XRCC2: variants seen among roughly 807,000 people sequenced by gnomAD.
XRCC2 encodes X-ray repair cross complementing 2.
A neutral mutation model predicts 27.3 loss-of-function variants in XRCC2; 24 were observed. That is an observed-to-expected ratio of 0.88 (90% CI 0.64 to 1.24). The LOEUF (loss-of-function observed/expected upper bound fraction) is 1.24. XRCC2 is among the 50% of genes most tolerant of loss of function. The pLI, the probability that XRCC2 is intolerant of heterozygous loss-of-function variation, is 0.00. For synonymous variants in XRCC2, 106 were observed against 115.4 expected, an observed-to-expected ratio of 0.92 and a Z score of 0.52; for missense variants, 321 against 325.8, an observed-to-expected ratio of 0.99 and a Z score of 0.11.
intron 2 of XRCC2, among the ~76,000 whole-genome samples, chr7:152,650,381 C>T (rs1007345876): frequency 6.6e-6 from 1 of 152,222 alleles, no homozygotes; most frequent in Non-Finnish European, 1.5e-5. Flanking sequence ...ACGTTAAAGA[C>T]TCCAACTCTC....
intron 2 of XRCC2, among the ~76,000 whole-genome samples, chr7:152,650,058 G>A (rs2098027875): frequency 6.6e-6 from 1 of 152,204 alleles, no homozygotes; most frequent in Admixed American, 6.5e-5. Flanking sequence ...AGGAAAACAA[G>A]CCTCCACCTG....
At chr7:152,663,881 C>T (rs1377300523) in intron 1 of XRCC2, 1 of 148,808 alleles carries the variant, frequency 6.7e-6, no homozygotes, top group East Asian at 2.0e-4. Context: ...TACAAGAGAA[C>T]TTTGAGCCAC....
intron 2 of XRCC2, among the ~76,000 whole-genome samples, chr7:152,656,750 C>A (rs968556009): frequency 6.6e-6 from 1 of 152,126 alleles, no homozygotes. Flanking sequence ...AGAGAGAGTA[C>A]AAAGACCATT....
chr7:152,648,582 T>A lies in XRCC2; in HGVS notation c.*60A>T. The A allele has an allele frequency of 4.0e-6, 6 of 1,507,922 alleles. No homozygotes were observed. The highest frequency in any genetic ancestry group is 5.3e-6 in the Non-Finnish European group (6 of 1,135,962). The allele number at this position is 1,507,922 out of a possible 1,614,324, so 93.4% of individuals were successfully genotyped here. A position where few individuals can be genotyped will look rare whatever the true frequency, so the allele number is the denominator to read the frequency against. ...GCCTGGGAGACAGAGCAAGACTCTG[T>A]CTTAAGAAAAATTTTAAGGCTTGCG... On this transcript the variant is annotated 3_prime_UTR_variant, in exon 3 of 3. Coordinates refer to ENST00000359321, the MANE Select transcript of XRCC2 (RefSeq NM_005431.2).
chr7:152,660,366 A>G (rs2098032559), intron 2 of XRCC2, among the ~76,000 whole-genome samples: 1 of 152,210 alleles, frequency 6.6e-6, no homozygotes, highest in South Asian at 2.1e-4. Context: ...AAATACTAAC[A>G]AGTGGGTACC....
chr7:152,666,387 C>T (rs1442619152), intron 1 of XRCC2, among the ~76,000 whole-genome samples: 2 of 151,714 alleles, frequency 1.3e-5, no homozygotes, highest in African/African-American at 4.8e-5. Flanking sequence ...AATTTTTTTA[C>T]TTTTTGCAGA....
At chr7:152,660,525 T>C (rs1180532552) in intron 2 of XRCC2, among the ~76,000 whole-genome samples, 176 bp downstream of exon 2, 2 of 152,256 alleles carry the variant, frequency 1.3e-5, no homozygotes, top group African/African-American at 4.8e-5. Context: ...AGCAAACTTG[T>C]CTGACACCGA....
At chr7:152,675,519 G>T (rs2098040537) in intron 1 of XRCC2, among the ~76,000 whole-genome samples, 1 of 152,078 alleles carries the variant, frequency 6.6e-6, no homozygotes, top group African/African-American at 2.4e-5. Flanking sequence ...AGCTACCTGG[G>T]CTGGAAACGA....
At chr7:152,675,229 C>T (rs559909024) in intron 1 of XRCC2, among the ~76,000 whole-genome samples, 1 of 152,166 alleles carries the variant, frequency 6.6e-6, no homozygotes, top group Non-Finnish European at 1.5e-5. Context: ...CGACTGTCTC[C>T]GCTCTGAATG....
At chr7:152,675,952 G>C in intron 1 of XRCC2, 89 bp downstream of exon 1, 2 of 1,571,710 alleles carry the variant, frequency 1.3e-6, no homozygotes, top group Non-Finnish European at 1.7e-6. Context: ...GCCGCCCCAA[G>C]CCTCCCAATC....
chr7:152,651,265 T>C (rs2098028434), intron 2 of XRCC2, among the ~76,000 whole-genome samples: 1 of 151,984 alleles, frequency 6.6e-6, no homozygotes, highest in Non-Finnish European at 1.5e-5. Flanking sequence ...AACAAACCGT[T>C]GTATATTGGA....
intron 2 of XRCC2, among the ~76,000 whole-genome samples, chr7:152,657,961 T>TTTTTCTTTG (rs2098031401): frequency 8.0e-6 from 1 of 125,288 alleles, no homozygotes; most frequent in African/African-American, 3.8e-5. Context: ...TTTGTCTTTG[T>TTTTTCTTTG]TTTTTTTTTT....
intron 1 of XRCC2, among the ~76,000 whole-genome samples, chr7:152,665,487 CTTTTTTTT>C (rs66692067): frequency 0.017 from 1,452 of 84,348 alleles, 21 homozygotes; most frequent in East Asian, 0.079. Context: ...TAAGACAAAC[CTTTTTTTT>C]TTTTTTTTTT....
chr7:152,655,093 C>T (rs186465995), intron 2 of XRCC2, among the ~76,000 whole-genome samples: 91 of 152,172 alleles, frequency 6.0e-4, no homozygotes, highest in African/African-American at 2.1e-3. Context: ...CGTGACAACT[C>T]GCAGTAAAAA....
chr7:152,670,578 T>C (rs2098037763), intron 1 of XRCC2, among the ~76,000 whole-genome samples: 1 of 152,044 alleles, frequency 6.6e-6, no homozygotes, highest in Non-Finnish European at 1.5e-5. Flanking sequence ...GTATATCGCC[T>C]ATTTAGTAGA....
chr7:152,660,776 C>A lies in XRCC2; in HGVS notation c.46G>T (p.Ala16Ser), dbSNP rs4987090. Residue 16 changes from alanine to serine, a missense_variant, in exon 2 of 3, where the codon GCC (alanine) becomes TCC (serine). Coordinates refer to ENST00000359321, the MANE Select transcript of XRCC2 (RefSeq NM_005431.2). ...HRAESGTELL[A>S]RLEGRSSLKE... ...AAGGAACTTCTACCTTCAAGTCGGG[C>A]AAGGAGCTTATAAAAGAAGAGAGAA... 2.5e-6 allele frequency: 4 copies of A among 1,610,210 alleles called. No homozygotes were observed. The East Asian group carries it at 6.7e-5, about 27-fold the overall frequency.
intron 1 of XRCC2, among the ~76,000 whole-genome samples, chr7:152,667,784 G>A (rs2098036587): frequency 6.6e-6 from 1 of 152,036 alleles, no homozygotes; most frequent in Non-Finnish European, 1.5e-5. Flanking sequence ...CCAGCACTTT[G>A]GGAGTCTGAG....
chr7:152,660,279 A>C (rs1429009831), intron 2 of XRCC2, among the ~76,000 whole-genome samples: 1 of 152,168 alleles, frequency 6.6e-6, no homozygotes, highest in Non-Finnish European at 1.5e-5. Context: ...GGTGAATTTT[A>C]TCTCTATGAA....
intron 1 of XRCC2, among the ~76,000 whole-genome samples, chr7:152,674,499 C>G (rs1476087398): frequency 6.6e-6 from 1 of 151,344 alleles, no homozygotes; most frequent in South Asian, 2.1e-4. Context: ...GTAATCCCAG[C>G]TACTTGGGAG....
Sources: allele counts gnomAD v4.1 joint callset (sites outside exome capture counted in the v4.1 genomes callset), GRCh38; gene constraint gnomAD v4.1.1; transcripts MANE v1.5; gene names NCBI Gene and HGNC (gene_info 2026-07-23, HGNC 2026-07-21).